The following DCAF8 variants were observed in gnomAD, a reference collection of about 807,000 sequenced individuals.
DCAF8 encodes the protein DDB1 and CUL4 associated factor 8.
Under a neutral mutation model 68.0 loss-of-function variants are expected in DCAF8, and 20 were observed. That is an observed-to-expected ratio of 0.29 (90% CI 0.21 to 0.43). The LOEUF (loss-of-function observed/expected upper bound fraction) is 0.43. Ranked by LOEUF, DCAF8 falls within the 20% of genes least tolerant of loss-of-function variation. The pLI is 1.00. For synonymous variants in DCAF8, 230 were observed against 276.9 expected (o/e 0.83, Z 1.68); for missense variants, 460 against 771.0 (o/e 0.60, Z 4.78).
intron 2 of DCAF8, among the ~76,000 whole-genome samples, chr1:160,247,881 T>C (rs1656404777): frequency 2.0e-5 from 3 of 152,116 alleles, no homozygotes; most frequent in African/African-American, 7.2e-5. Context: ...TAAATATAAC[T>C]TAAAACAACA....
chr1:160,217,526 C>T lies in DCAF8; in HGVS notation c.*66G>A. On this transcript the variant is annotated 3_prime_UTR_variant, in exon 14 of 14. Coordinates refer to ENST00000368074, the MANE Select transcript of DCAF8 (RefSeq NM_015726.4). The stretch of plus-strand genomic sequence containing the variant: ...TTTCTGCTGAATGTAGGGCCTGGGA[C>T]AGGAAAGGGTTGCCCAGGCAGGATC... 7 of 1,204,604 alleles carry T rather than the reference C, an allele frequency of 5.8e-6. No homozygotes were observed. Among genetic ancestry groups the T allele is most frequent in the Non-Finnish European group, 8.4e-6 (7 of 833,844 alleles). The allele number at this position is 1,204,604 out of a possible 1,614,324, so 74.6% of individuals were successfully genotyped here. A position where few individuals can be genotyped will look rare whatever the true frequency, so the allele number is the denominator to read the frequency against.
rs35258380 is a variant in DCAF8, at chr1:160,243,406, CTT to C, written c.49+552_49+553del. ...GTAACTTCATCCCTTATGTAATCAC[CTT>C]TTTTTTTTTTTTTTTTAAAAAGACG... On this transcript the variant is annotated intron_variant, in intron 3 of 13. Transcript: ENST00000368074. Among the ~76,000 whole-genome samples the C allele has an allele frequency of 3.7e-3, 509 of 138,946 alleles. 11 individuals are homozygous for C. The East Asian group carries it at 0.046, about 12-fold the overall frequency. The allele number at this position is 138,946 out of a possible 152,430, so 91.2% of individuals were successfully genotyped here. A position where few individuals can be genotyped will look rare whatever the true frequency, so the allele number is the denominator to read the frequency against.
chr1:160,253,647 CAAAAAAAAAAAAA>C (rs747211563), intron 2 of DCAF8, among the ~76,000 whole-genome samples: 878 of 27,002 alleles, frequency 0.033, 22 homozygotes, highest in African/African-American at 0.073. Context: ...GACTCCATCT[CAAAAAAAAAAAAA>C]AAAAAAAAAA....
At chr1:160,231,182 G>T in intron 7 of DCAF8, 115 bp downstream of exon 7, 1 of 745,520 alleles carries the variant, frequency 1.3e-6, no homozygotes, top group Non-Finnish European at 2.3e-6. Flanking sequence ...AAAAATTCAA[G>T]ATAATAGTTA....
chr1:160,220,988 CA>C (rs1655277005), intron 11 of DCAF8: 1 of 152,160 alleles, frequency 6.6e-6, no homozygotes, highest in Admixed American at 6.6e-5. Flanking sequence ...AAATTTGCTT[CA>C]GGGGTAGCCT....
intron 1 of DCAF8, 168 bp from the exon 2 acceptor site, chr1:160,261,526 A>C (rs186652520): frequency 6.6e-6 from 1 of 152,384 alleles, no homozygotes; most frequent in Non-Finnish European, 1.5e-5. Context: ...ATATGGAAAT[A>C]AAATGAACCA....
At chr1:160,222,549 A>G (rs1295981008) in intron 11 of DCAF8, 102 bp downstream of exon 11, 14 of 1,485,550 alleles carry the variant, frequency 9.4e-6, no homozygotes, top group African/African-American at 1.4e-5. Flanking sequence ...CCTCTAAAAC[A>G]TGGTATCATG....
At chr1:160,231,625 T>A (rs73027618) in intron 6 of DCAF8, among the ~76,000 whole-genome samples, 5 of 152,076 alleles carry the variant, frequency 3.3e-5, no homozygotes, top group African/African-American at 9.7e-5. Flanking sequence ...GGGAAAAAAA[T>A]ATGTAGTGAA....
At chr1:160,247,441 G>C (rs77605661) in intron 2 of DCAF8, among the ~76,000 whole-genome samples, 4 of 152,264 alleles carry the variant, frequency 2.6e-5, no homozygotes, top group Non-Finnish European at 4.4e-5. Context: ...TACTACGCTG[G>C]ATAAGAGTAC....
chr1:160,253,556 G>A (rs1656688631), intron 2 of DCAF8, among the ~76,000 whole-genome samples: 1 of 144,668 alleles, frequency 6.9e-6, no homozygotes, highest in Non-Finnish European at 1.5e-5. Context: ...GCTGAGGCAG[G>A]AGAATCACTT....
chr1:160,246,507 A>C (rs1469694727), intron 2 of DCAF8, among the ~76,000 whole-genome samples: 1 of 152,220 alleles, frequency 6.6e-6, no homozygotes, highest in Non-Finnish European at 1.5e-5. Flanking sequence ...TTGAGCAGGA[A>C]CCTGATGCTC....
intron 6 of DCAF8, among the ~76,000 whole-genome samples, chr1:160,236,076 G>A (rs1245374903): frequency 6.6e-6 from 1 of 152,068 alleles, no homozygotes; most frequent in Non-Finnish European, 1.5e-5. Flanking sequence ...TGGTGGGGCG[G>A]GGGTGACTGA....
At chr1:160,261,178 CT>C (rs1271869136) in intron 2 of DCAF8, 106 bp downstream of exon 2, 1 of 152,190 alleles carries the variant, frequency 6.6e-6, no homozygotes, top group African/African-American at 2.4e-5. Flanking sequence ...AACACTCAAG[CT>C]CTTTGGGAAA....
intron 5 of DCAF8, among the ~76,000 whole-genome samples, chr1:160,238,041 C>T (rs1655955144): frequency 6.6e-6 from 1 of 152,178 alleles, no homozygotes; most frequent in Non-Finnish European, 1.5e-5. Context: ...CCAGGTCCAC[C>T]TATATTTTTG....
At chr1:160,239,203 G>A (rs756820618) in intron 4 of DCAF8, 107 of 1,081,484 alleles carry the variant, frequency 9.9e-5, no homozygotes, top group Non-Finnish European at 1.1e-4. Context: ...AATCTTTCCA[G>A]AATAACAACA....
chr1:160,231,462 A>T, intron 6 of DCAF8, 55 bp from the exon 7 acceptor site: 1 of 1,342,280 alleles, frequency 7.5e-7, no homozygotes, highest in Admixed American at 1.7e-5. Flanking sequence ...CCAAATGGTC[A>T]TGGCAAAGGA....
At chr1:160,223,030 A>G (rs1398256089) in intron 10 of DCAF8, among the ~76,000 whole-genome samples, 2 of 152,340 alleles carry the variant, frequency 1.3e-5, no homozygotes, top group East Asian at 1.9e-4. Flanking sequence ...TACCCTATCA[A>G]GTAACCACAG....
At chr1:160,226,239 G>A (rs968600501) in intron 7 of DCAF8, among the ~76,000 whole-genome samples, 17 of 152,048 alleles carry the variant, frequency 1.1e-4, no homozygotes, top group Admixed American at 1.3e-4. Flanking sequence ...GGTTACTCAC[G>A]GGCAGAAACC....
intron 2 of DCAF8, among the ~76,000 whole-genome samples, chr1:160,256,029 T>A (rs537604094): frequency 6.9e-6 from 1 of 145,206 alleles, no homozygotes; most frequent in African/African-American, 2.6e-5. Flanking sequence ...TTTTTTTTTT[T>A]TTTTTTTTTT....
Sources: allele counts gnomAD v4.1 joint callset (sites outside exome capture counted in the v4.1 genomes callset), GRCh38; gene constraint gnomAD v4.1.1; transcripts MANE v1.5; gene names NCBI Gene and HGNC (gene_info 2026-07-23, HGNC 2026-07-21).